The following TNFSF4 variants were observed in gnomAD, a reference collection of about 807,000 sequenced individuals.
TNFSF4 encodes the protein TNF superfamily member 4.
A neutral mutation model predicts 7.3 loss-of-function variants in TNFSF4; 4 were observed. The ratio of observed to expected loss-of-function variants is 0.55; its 90% CI spans 0.27 to 1.25. The LOEUF (loss-of-function observed/expected upper bound fraction) is 1.25. Among genes scored for constraint, TNFSF4 ranks in the 50% most tolerant of loss-of-function variants. The pLI is 0.12. For missense variants in TNFSF4, 181 were observed against 208.8 expected, an observed-to-expected ratio of 0.87 and a Z score of 0.82; for synonymous variants, 76 against 83.7, an observed-to-expected ratio of 0.91 and a Z score of 0.50.
the TNFSF4 span, among the ~76,000 whole-genome samples, chr1:173,424,874 A>G: frequency 6.6e-6 from 1 of 152,236 alleles, no homozygotes; most frequent in Non-Finnish European, 1.5e-5. Context: ...TCTGAGCCTC[A>G]GTTGCTTCAT....
the TNFSF4 span, among the ~76,000 whole-genome samples, chr1:173,242,473 A>C: frequency 3.3e-5 from 5 of 152,226 alleles, no homozygotes; most frequent in East Asian, 9.6e-4. Flanking sequence ...GAGTAAAAGA[A>C]TTAGAGTAGC....
the TNFSF4 span, among the ~76,000 whole-genome samples, chr1:173,338,620 A>G: frequency 4.6e-5 from 7 of 152,152 alleles, no homozygotes; most frequent in Non-Finnish European, 8.8e-5. Context: ...TGTTTCTCCC[A>G]TAGCTAGGGT....
At chr1:173,251,840 ACTAAGGCCC>A in the TNFSF4 span, among the ~76,000 whole-genome samples, 1 of 152,236 alleles carries the variant, frequency 6.6e-6, no homozygotes, top group South Asian at 2.1e-4. Context: ...AATGCTTAAG[ACTAAGGCCC>A]CTGTGTCAAT....
the TNFSF4 span, among the ~76,000 whole-genome samples, chr1:173,217,155 G>A: frequency 6.6e-6 from 1 of 152,196 alleles, no homozygotes; most frequent in African/African-American, 2.4e-5. Context: ...GGTTATGCAT[G>A]TATGTGCTTG....
chr1:173,310,097 A>C, the TNFSF4 span, among the ~76,000 whole-genome samples: 4 of 151,836 alleles, frequency 2.6e-5, no homozygotes, highest in Non-Finnish European at 5.9e-5. Flanking sequence ...AAATTTATTA[A>C]TCATAAAAAC....
the TNFSF4 span, among the ~76,000 whole-genome samples, chr1:173,429,821 T>A: frequency 6.6e-6 from 1 of 152,348 alleles, no homozygotes; most frequent in African/African-American, 2.4e-5. Flanking sequence ...TGAGTGAGAA[T>A]GTAATTGCCA....
chr1:173,285,172 G>C, the TNFSF4 span, among the ~76,000 whole-genome samples: 1 of 151,934 alleles, frequency 6.6e-6, no homozygotes, highest in Non-Finnish European at 1.5e-5. Flanking sequence ...GACTGTGAAG[G>C]GTTCAAGACT....
chr1:173,379,514 AG>A, the TNFSF4 span, among the ~76,000 whole-genome samples: 1 of 152,146 alleles, frequency 6.6e-6, no homozygotes. Flanking sequence ...GACTCCCTTG[AG>A]GGTCAATTGA....
chr1:173,282,887 T>C, the TNFSF4 span, among the ~76,000 whole-genome samples: 19 of 152,220 alleles, frequency 1.2e-4, no homozygotes, highest in Non-Finnish European at 2.8e-4. Flanking sequence ...TTATATGTTA[T>C]ATACAGAGAC....
the TNFSF4 span, among the ~76,000 whole-genome samples, chr1:173,383,124 G>A: frequency 7.9e-5 from 12 of 152,130 alleles, no homozygotes; most frequent in Non-Finnish European, 1.3e-4. Context: ...AGGAGATCAG[G>A]AGTGGGGGGA....
At chr1:173,276,218 A>G in the TNFSF4 span, among the ~76,000 whole-genome samples, 1 of 152,172 alleles carries the variant, frequency 6.6e-6, no homozygotes, top group Non-Finnish European at 1.5e-5. Context: ...ACAATTCTCA[A>G]TACAGATTTA....
At chr1:173,394,987 CATAGATAGAT>C in the TNFSF4 span, among the ~76,000 whole-genome samples, 42 of 126,970 alleles carry the variant, frequency 3.3e-4, no homozygotes, top group African/African-American at 1.2e-3. Flanking sequence ...ATAGAGGACA[CATAGATAGAT>C]AGATAGATAG....
chr1:173,356,847 G>A, the TNFSF4 span, among the ~76,000 whole-genome samples: 18 of 152,104 alleles, frequency 1.2e-4, no homozygotes, highest in Admixed American at 9.2e-4. Flanking sequence ...TGTGTGGGGG[G>A]AAAAAATGAC....
the TNFSF4 span, among the ~76,000 whole-genome samples, chr1:173,366,576 G>A: frequency 2.0e-5 from 3 of 152,074 alleles, no homozygotes; most frequent in African/African-American, 7.2e-5. Context: ...GCACAACAGG[G>A]TAAATATAGT....
the TNFSF4 span, among the ~76,000 whole-genome samples, chr1:173,281,074 G>C: frequency 6.6e-6 from 1 of 152,052 alleles, no homozygotes; most frequent in African/African-American, 2.4e-5. Context: ...AATATTTTTT[G>C]CAATCCTGTT....
At chr1:173,326,901 A>G in the TNFSF4 span, among the ~76,000 whole-genome samples, 1 of 152,216 alleles carries the variant, frequency 6.6e-6, no homozygotes, top group African/African-American at 2.4e-5. Context: ...TTCCATACTC[A>G]TGGGTAGGAA....
downstream of TNFSF4, among the ~76,000 whole-genome samples, chr1:173,180,124 A>G (rs572136019): frequency 1.3e-4 from 20 of 152,180 alleles, no homozygotes; most frequent in Non-Finnish European, 2.8e-4. Flanking sequence ...TCAAAATAAC[A>G]ATACTTTTGA....
chr1:173,210,111 T>C (rs1209652587), upstream of TNFSF4, among the ~76,000 whole-genome samples: 1 of 152,082 alleles, frequency 6.6e-6, no homozygotes, highest in African/African-American at 2.4e-5. Context: ...TTGGGGTTTT[T>C]TGGTGATAAA....
At chr1:173,252,681 CTG>C in the TNFSF4 span, among the ~76,000 whole-genome samples, 1 of 152,160 alleles carries the variant, frequency 6.6e-6, no homozygotes, top group Admixed American at 6.5e-5. Context: ...TGGTTCATAA[CTG>C]TGAAGAACCC....
Sources: gnomAD v4.1 joint callset for allele counts (sites outside exome capture counted in the v4.1 genomes callset) on GRCh38, gnomAD v4.1.1 for gene constraint, MANE v1.5 for transcripts, NCBI Gene and HGNC (gene_info 2026-07-23, HGNC 2026-07-21) for gene names.